Variants in XG observed in about 807,000 individuals in gnomAD.
The protein encoded by XG is Xg glycoprotein (Xg blood group).
XG carries 24 observed loss-of-function variants against 25.7 expected under a neutral mutation model. That is an observed-to-expected ratio of 0.93 (90% CI 0.68 to 1.31). The LOEUF is 1.31. XG is among the 40% of genes most tolerant of loss of function. The pLI, the probability that XG is intolerant of heterozygous loss-of-function variation, is 0.00. For missense variants in XG, 181 were observed against 187.6 expected (o/e 0.96, Z 0.21); for synonymous variants, 77 against 69.2 (o/e 1.11, Z -0.56).
intron 2 of XG, 148 bp downstream of exon 2, chrX:2,770,739 C>T (rs1168051732): frequency 1.5e-5 from 13 of 891,950 alleles, no homozygotes; most frequent in Non-Finnish European, 2.4e-5. Flanking sequence ...TTGCAGACAC[C>T]TTGAGACAAA....
Position 2,770,540 on chromosome X carries a change from C to G in XG, c.62-10C>G. On this transcript the variant is annotated splice_polypyrimidine_tract_variant and intron_variant, in intron 1 of 10. Transcript: ENST00000644266. ...CATGGGGTGACTTATGCCCTGTTTG[C>G]TCCCAATAGGTCAAAGAGACTTTGA... 1 of 1,613,902 alleles carries G rather than the reference C, an allele frequency of 6.2e-7. No homozygotes were observed. The highest frequency in any genetic ancestry group is 8.5e-7 in the Non-Finnish European group (1 of 1,179,850).
Position 2,752,123 on chromosome X carries a change from G to C in XG, c.-152G>C. The C allele has an allele frequency of 7.3e-7, 1 of 1,371,880 alleles. No homozygotes were observed. The highest frequency in any genetic ancestry group is 9.9e-7 in the Non-Finnish European group (1 of 1,005,026). 85.0% of individuals were successfully genotyped at this position (1,371,880 alleles called of 1,614,324 possible). On this transcript the variant is annotated 5_prime_UTR_variant, in exon 1 of 11. Transcript: ENST00000644266. The stretch of plus-strand genomic sequence containing the variant: ...TGAGCTTGGAGCCCATTTGTTTCTG[G>C]CAGTTCCGCTCATATTTTCCACTTG...
intron 7 of XG, among the ~76,000 whole-genome samples, chrX:2,801,747 C>A (rs7065741): frequency 9.1e-6 from 1 of 110,256 alleles, no homozygotes; most frequent in East Asian, 2.8e-4. Context: ...CTCGCTCTGT[C>A]GCCCAGGCTG....
chrX:2,752,966 G>T, intron 1 of XG: 1 of 985,360 alleles, frequency 1.0e-6, no homozygotes. Flanking sequence ...AAACTCCAAT[G>T]AACTCATAAA....
chrX:2,767,428 T>G (rs987691225), intron 1 of XG, among the ~76,000 whole-genome samples: 3 of 152,072 alleles, frequency 2.0e-5, no homozygotes, highest in African/African-American at 7.2e-5. Context: ...TGAGGCTGCT[T>G]TCTTCTTGGG....
chrX:2,775,026 G>A (rs28444688), intron 3 of XG: 1 of 430,290 alleles, frequency 2.3e-6, no homozygotes, highest in Admixed American at 3.6e-5. Context: ...GTGCTGGTGG[G>A]AGTCTAAAAT....
intron 7 of XG, among the ~76,000 whole-genome samples, chrX:2,802,466 G>A (rs941084790): frequency 8.9e-6 from 1 of 111,873 alleles, no homozygotes; most frequent in African/African-American, 3.3e-5. Flanking sequence ...CAAGACTGGA[G>A]TTTTATGACT....
At chrX:2,802,285 G>C (rs1416962741) in intron 7 of XG, among the ~76,000 whole-genome samples, 2 of 111,018 alleles carry the variant, frequency 1.8e-5, no homozygotes, top group Non-Finnish European at 3.8e-5. Flanking sequence ...CTCCTGTGTA[G>C]CTAGGACCAC....
chrX:2,755,933 G>A (rs1248403641), intron 1 of XG, among the ~76,000 whole-genome samples: 1 of 152,100 alleles, frequency 6.6e-6, no homozygotes, highest in East Asian at 1.9e-4. Flanking sequence ...TAATGCATGT[G>A]GGGCTTAATG....
At chrX:2,785,156 T>C (rs1297806451) in intron 4 of XG, among the ~76,000 whole-genome samples, 1 of 112,219 alleles carries the variant, frequency 8.9e-6, no homozygotes, top group Non-Finnish European at 1.9e-5. Flanking sequence ...TTCTTCTAAG[T>C]CCTTGATCGG....
intron 7 of XG, among the ~76,000 whole-genome samples, chrX:2,801,709 TA>T (rs1262990567): frequency 3.7e-5 from 4 of 108,538 alleles, no homozygotes; most frequent in African/African-American, 7.1e-5. Flanking sequence ...CTTTATTTTT[TA>T]TTTTTTATTT....
intron 6 of XG, 22 bp downstream of exon 6, chrX:2,794,625 A>G: frequency 2.5e-6 from 3 of 1,206,289 alleles, no homozygotes; most frequent in Non-Finnish European, 3.4e-6. Flanking sequence ...GCCTCCCCAG[A>G]TGCGACACAT....
intron 1 of XG, among the ~76,000 whole-genome samples, chrX:2,762,359 CG>C (rs1193983430): frequency 5.1e-4 from 78 of 152,230 alleles, no homozygotes; most frequent in African/African-American, 1.6e-3. Flanking sequence ...AAGTCAAGAA[CG>C]GGGCCAGTTG....
chrX:2,814,702 C>A lies in XG; in HGVS notation c.*322C>A. 4.7e-6 allele frequency: 1 copy of A among 213,463 alleles called. No individual in the cohort carries two copies. The highest frequency in any genetic ancestry group is 8.3e-6 in the Non-Finnish European group (1 of 119,830). The allele number at this position is 213,463 out of a possible 1,213,427, so 17.6% of individuals were successfully genotyped here. Reference sequence around the variant, plus strand: ...CTACCTCATGGTGCAATAACACACACACGCTTAACCATGTTGATGGCACAA... The same window carrying A: ...CTACCTCATGGTGCAATAACACACAAACGCTTAACCATGTTGATGGCACAA... On this transcript the variant is annotated 3_prime_UTR_variant, in exon 11 of 11. Coordinates refer to ENST00000644266, the MANE Select transcript of XG (RefSeq NM_001141919.2).
Position 2,814,435 on chromosome X carries a change from T to C in XG, c.*55T>C, listed in dbSNP as rs774603167. 4.3e-6 allele frequency: 5 copies of C among 1,157,369 alleles called. No homozygotes were observed. The highest frequency in any genetic ancestry group is 4.9e-5 in the Admixed American group (2 of 41,107). On this transcript the variant is annotated 3_prime_UTR_variant, in exon 11 of 11. Coordinates refer to ENST00000644266, the MANE Select transcript of XG (RefSeq NM_001141919.2). ...AAAAACAACTAAAACAAGAACCGTG[T>C]TTATCACTGTTGTGGAGATTTCCTT... is the stretch of plus-strand genomic sequence containing the variant.
intron 2 of XG, 108 bp from the exon 3 acceptor site, chrX:2,774,608 G>C (rs1280172368): frequency 1.6e-6 from 2 of 1,225,508 alleles, no homozygotes; most frequent in African/African-American, 3.0e-5. Context: ...TACTTTGTAT[G>C]GCTTTGTCAC....
chrX:2,771,558 C>A (rs1482389645), intron 2 of XG, among the ~76,000 whole-genome samples: 3 of 152,170 alleles, frequency 2.0e-5, no homozygotes, highest in Non-Finnish European at 4.4e-5. Context: ...TGTATTCAGA[C>A]CGCGGTGGGT....
intron 1 of XG, among the ~76,000 whole-genome samples, chrX:2,759,608 G>T (rs1379743424): frequency 6.6e-6 from 1 of 152,172 alleles, no homozygotes; most frequent in African/African-American, 2.4e-5. Flanking sequence ...GTCTATGGCT[G>T]TTTGGCACCT....
intron 1 of XG, chrX:2,752,889 A>G: frequency 4.1e-6 from 4 of 984,606 alleles, no homozygotes; most frequent in Non-Finnish European, 4.8e-6. Context: ...CTTCGATATA[A>G]ACTTGCAGGC....
Sources: gnomAD v4.1 joint callset for allele counts (sites outside exome capture counted in the v4.1 genomes callset) on GRCh38, gnomAD v4.1.1 for gene constraint, MANE v1.5 for transcripts, NCBI Gene and HGNC (gene_info 2026-07-23, HGNC 2026-07-21) for gene names.